BAZ2B: variants seen among roughly 807,000 people sequenced by gnomAD.
BAZ2B encodes bromodomain adjacent to zinc finger domain protein 2B.
BAZ2B carries 91 observed loss-of-function variants against 246.0 expected under a neutral mutation model. The observed-to-expected ratio is 0.37, with a 90% CI of 0.31 to 0.44. The LOEUF (loss-of-function observed/expected upper bound fraction) is 0.44. Among genes scored for constraint, BAZ2B ranks in the 20% least tolerant of loss-of-function variants. The pLI, the probability that BAZ2B is intolerant of heterozygous loss-of-function variation, is 1.00. For missense variants in BAZ2B, 2,332 were observed against 2,533.7 expected, an observed-to-expected ratio of 0.92 and a Z score of 1.71; for synonymous variants, 855 against 860.0, an observed-to-expected ratio of 0.99 and a Z score of 0.10.
chr2:159,492,107 G>A (rs1209812733), intron 2 of BAZ2B, among the ~76,000 whole-genome samples: 1 of 152,140 alleles, frequency 6.6e-6, no homozygotes, highest in Non-Finnish European at 1.5e-5. Context: ...TACTTTCTCT[G>A]TATTTCCAAT....
intron 20 of BAZ2B, among the ~76,000 whole-genome samples, chr2:159,389,841 C>T (rs1344835922): frequency 6.6e-6 from 1 of 152,124 alleles, no homozygotes; most frequent in Non-Finnish European, 1.5e-5. Context: ...GTGGAAGTAA[C>T]ATGTTTGAAT....
At chr2:159,436,514 C>T (rs750207646) in intron 8 of BAZ2B, among the ~76,000 whole-genome samples, 25 of 152,072 alleles carry the variant, frequency 1.6e-4, no homozygotes, top group Middle Eastern at 3.2e-3. Context: ...TTTGGGAGGC[C>T]GAGGCAGGCA....
chr2:159,408,313 T>C (rs904653641), intron 14 of BAZ2B, among the ~76,000 whole-genome samples: 2 of 152,164 alleles, frequency 1.3e-5, no homozygotes, highest in African/African-American at 2.4e-5. Context: ...ACCAGGACTA[T>C]AGGAGTGCAC....
intron 13 of BAZ2B, among the ~76,000 whole-genome samples, chr2:159,413,164 A>C (rs979787534): frequency 6.6e-6 from 1 of 152,182 alleles, no homozygotes; most frequent in Non-Finnish European, 1.5e-5. Context: ...CACACACACA[A>C]AAATCAAACC....
chr2:159,479,939 T>G (rs959801748), intron 2 of BAZ2B, among the ~76,000 whole-genome samples: 1 of 152,152 alleles, frequency 6.6e-6, no homozygotes, highest in Non-Finnish European at 1.5e-5. Flanking sequence ...TCTGTCCATA[T>G]TCTTACAGAA....
chr2:159,427,055 T>C (rs887554711), intron 13 of BAZ2B, among the ~76,000 whole-genome samples: 2 of 152,126 alleles, frequency 1.3e-5, no homozygotes, highest in Admixed American at 6.5e-5. Flanking sequence ...CATAATCCTA[T>C]GAGACAAGAA....
chr2:159,395,934 T>C, intron 19 of BAZ2B, 100 bp from the exon 20 acceptor site: 7 of 951,448 alleles, frequency 7.4e-6, no homozygotes, highest in South Asian at 6.7e-5. Flanking sequence ...AAACTCAGTA[T>C]AGCATGTTTA....
chr2:159,712,007 G>A, the BAZ2B span: 1 of 150,540 alleles, frequency 6.6e-6, no homozygotes, highest in African/African-American at 2.4e-5. Flanking sequence ...GGCGGGCAGG[G>A]AAGCAAGCGG....
At chr2:159,583,041 TA>T (rs1407620328) in intron 1 of BAZ2B, among the ~76,000 whole-genome samples, 1 of 150,918 alleles carries the variant, frequency 6.6e-6, no homozygotes, top group African/African-American at 2.4e-5. Flanking sequence ...TACATATAAG[TA>T]AAAAAAATTC....
the BAZ2B span, among the ~76,000 whole-genome samples, chr2:159,656,344 TAA>T: frequency 6.6e-6 from 1 of 152,080 alleles, no homozygotes; most frequent in African/African-American, 2.4e-5. Flanking sequence ...CATTATTAAC[TAA>T]AGTTACAGAT....
the BAZ2B span, among the ~76,000 whole-genome samples, chr2:159,707,800 C>G: frequency 6.6e-6 from 1 of 151,916 alleles, no homozygotes; most frequent in Non-Finnish European, 1.5e-5. Flanking sequence ...GCACTCCAGC[C>G]TGGGCGACAG....
At position 159,391,053 on chromosome 2, in the gene BAZ2B, C is replaced by T. The variant is rs561370739; in HGVS notation, c.3076-1568G>A. ...GAGTCACCGGTAGAATAACTTTTTT[C>T]CCCTAGAACTGAAATTTCGATTCTT... is the stretch of plus-strand genomic sequence containing the variant. On this transcript the variant is annotated intron_variant, in intron 20 of 36. Transcript: ENST00000392783. Among the ~76,000 whole-genome samples, 6 of 152,186 alleles carry T rather than the reference C, an allele frequency of 3.9e-5. No individual in the cohort carries two copies. The East Asian group carries it at 1.2e-3, about 29-fold the overall frequency.
chr2:159,349,953 A>G lies in BAZ2B; in HGVS notation c.4618T>C (p.Tyr1540His), dbSNP rs763052264. Residue 1540 changes from tyrosine (Y) to histidine (H), a missense_variant, in exon 28 of 37, where the codon TAC becomes CAC. By Grantham distance (83) the Tyr-to-His change is moderately conservative. Transcript: ENST00000392783. Reference protein sequence around the residue: ...NTGSSGPGKFYSPLPNDQLLK... With the variant: ...NTGSSGPGKFHSPLPNDQLLK... ...AACTGGTCATTGGGGAGAGGACTGT[A>G]GAACTTCCCTGGACCACTTGAACCA... 6.2e-7 allele frequency: 1 copy of G among 1,614,090 alleles called. No individual in the cohort carries two copies. The highest frequency in any genetic ancestry group is 8.5e-7 in the Non-Finnish European group (1 of 1,180,018).
chr2:159,318,507 C>G (rs905698852), downstream of BAZ2B, among the ~76,000 whole-genome samples: 2 of 152,222 alleles, frequency 1.3e-5, no homozygotes, highest in Non-Finnish European at 2.9e-5. Context: ...AGGCCCACTT[C>G]AAGGGGCTAT....
chr2:159,509,738 A>G (rs149071001), intron 2 of BAZ2B, among the ~76,000 whole-genome samples: 29 of 152,306 alleles, frequency 1.9e-4, no homozygotes, highest in African/African-American at 6.7e-4. Flanking sequence ...AATGTGATAT[A>G]CATATATACA....
chr2:159,534,357 C>T (rs2085700561), intron 2 of BAZ2B, among the ~76,000 whole-genome samples: 1 of 152,108 alleles, frequency 6.6e-6, no homozygotes, highest in African/African-American at 2.4e-5. Context: ...CCTGTTATTT[C>T]TAGGCTACAA....
intron 7 of BAZ2B, 46 bp downstream of exon 7, chr2:159,438,963 C>A: frequency 6.4e-7 from 1 of 1,570,974 alleles, no homozygotes; most frequent in Non-Finnish European, 8.7e-7. Context: ...CAGTTAATTC[C>A]TAAATATGAA....
chr2:159,677,393 T>C, the BAZ2B span, among the ~76,000 whole-genome samples: 1 of 152,128 alleles, frequency 6.6e-6, no homozygotes, highest in Non-Finnish European at 1.5e-5. Flanking sequence ...ACTATGCTTT[T>C]TCTAATTATA....
At chr2:159,413,386 G>A (rs2067126558) in intron 13 of BAZ2B, among the ~76,000 whole-genome samples, 1 of 152,132 alleles carries the variant, frequency 6.6e-6, no homozygotes, top group Non-Finnish European at 1.5e-5. Flanking sequence ...ACCTTACTTG[G>A]ATACTTATTT....
Sources: gnomAD v4.1 joint callset for allele counts (sites outside exome capture counted in the v4.1 genomes callset) on GRCh38, gnomAD v4.1.1 for gene constraint, MANE v1.5 for transcripts, NCBI Gene and HGNC (gene_info 2026-07-23, HGNC 2026-07-21) for gene names.